GRHL2: variants seen among roughly 807,000 people sequenced by gnomAD.
GRHL2 encodes the protein grainyhead-like protein 2 homolog.
A neutral mutation model predicts 83.8 loss-of-function variants in GRHL2; 21 were observed. That is an observed-to-expected ratio of 0.25 (90% CI 0.18 to 0.36). GRHL2 has a LOEUF of 0.36. GRHL2 is among the 10% of genes least tolerant of loss of function. The pLI is 1.00. For missense variants in GRHL2, 623 were observed against 781.8 expected (o/e 0.80, Z 2.42); for synonymous variants, 280 against 278.9 (o/e 1.00, Z -0.04).
Position 101,649,394 on chromosome 8 carries a change from C to G in GRHL2, c.1613-20C>G, listed in dbSNP as rs369705741. On this transcript the variant is annotated intron_variant, in intron 13 of 15. Transcript: ENST00000646743. ...TGTGCAGCCCCTCGGTCACGTGGCT[C>G]TCTTGCCCATCTCTTCCAGTGCTCT... 3.0e-4 allele frequency: 482 copies of G among 1,605,662 alleles called. No individual in the cohort carries two copies. The highest frequency in any genetic ancestry group is 3.9e-4 in the Non-Finnish European group (462 of 1,172,600).
rs35693999 is a variant in GRHL2, at chr8:101,656,873, GACACACAC to G, written c.1698+7400_1698+7407del. ...GTTAGTGTATTTTATGTGTCTAACA[GACACACAC>G]ACACACACACACACACACACACACA... On this transcript the variant is annotated intron_variant, in intron 14 of 15. Coordinates refer to ENST00000646743, the MANE Select transcript of GRHL2 (RefSeq NM_024915.4). Among the ~76,000 whole-genome samples the G allele has an allele frequency of 9.1e-4, 134 of 147,334 alleles. 2 individuals are homozygous for G. Among genetic ancestry groups the G allele is most frequent in the East Asian group, 1.8e-3 (9 of 4,998 alleles).
At chr8:101,504,538 G>T (rs1810296169) in intron 1 of GRHL2, among the ~76,000 whole-genome samples, 1 of 152,138 alleles carries the variant, frequency 6.6e-6, no homozygotes, top group Non-Finnish European at 1.5e-5. Context: ...TCATGGGAGA[G>T]ACTTGGTGTT....
In GRHL2 at chr8:101,668,055, C is replaced by T. The variant is rs555463820; in HGVS notation, c.*1352C>T. ...AGAAAGAATGTGCCAAGATACCTGG[C>T]TCCTGTGAAACCAGCCTCAGGAGGG... On this transcript the variant is annotated 3_prime_UTR_variant, in exon 16 of 16. Transcript: ENST00000646743. 1.3e-5 allele frequency: 2 copies of T among 152,564 alleles called. No individual in the cohort carries two copies. Among genetic ancestry groups the T allele is most frequent in the South Asian group, 4.1e-4 (2 of 4,822 alleles). The allele number at this position is 152,564 out of a possible 1,614,324, so 9.5% of individuals were successfully genotyped here.
At position 101,634,253 on chromosome 8, in the gene GRHL2, G is replaced by A. The variant is rs181931561; in HGVS notation, c.1485+1888G>A. Among the ~76,000 whole-genome samples the A allele has an allele frequency of 3.1e-3, 479 of 152,164 alleles. 2 individuals carry two copies. Among genetic ancestry groups the A allele is most frequent in the African/African-American group, 0.011 (439 of 41,526 alleles). On this transcript the variant is annotated intron_variant, in intron 11 of 15. Transcript: ENST00000646743. Reference sequence around the variant, plus strand: ...GGGTCAATGAAGAAGCCTGCCCTGAGCTTCTGGCAAAAAAGGAACACACTC... The same window carrying A: ...GGGTCAATGAAGAAGCCTGCCCTGAACTTCTGGCAAAAAAGGAACACACTC...
chr8:101,518,237 C>T (rs752816009), intron 1 of GRHL2, among the ~76,000 whole-genome samples: 2 of 152,112 alleles, frequency 1.3e-5, no homozygotes, highest in Non-Finnish European at 2.9e-5. Flanking sequence ...GGCAAAAACC[C>T]GTTTCTACAA....
chr8:101,612,269 C>T (rs896730593), intron 8 of GRHL2, among the ~76,000 whole-genome samples: 4 of 151,184 alleles, frequency 2.6e-5, no homozygotes, highest in South Asian at 4.1e-4. Flanking sequence ...GGATTATAGG[C>T]GTGAGCCACC....
chr8:101,635,587 G>A (rs1444405044), intron 11 of GRHL2, among the ~76,000 whole-genome samples: 1 of 152,152 alleles, frequency 6.6e-6, no homozygotes, highest in East Asian at 1.9e-4. Context: ...ATGGCCAGTG[G>A]AATGCCCCAG....
chr8:101,572,196 T>C (rs1811841351), intron 5 of GRHL2, among the ~76,000 whole-genome samples: 1 of 152,228 alleles, frequency 6.6e-6, no homozygotes, highest in Non-Finnish European at 1.5e-5. Context: ...AGACGCAAGC[T>C]AGTGGTCTAG....
intron 9 of GRHL2, among the ~76,000 whole-genome samples, chr8:101,624,998 C>G (rs922318955): frequency 1.3e-5 from 2 of 151,898 alleles, no homozygotes; most frequent in South Asian, 2.1e-4. Flanking sequence ...AAAACCGAAC[C>G]AAAAAAATCA....
chr8:101,658,286 A>T (rs1159752278), intron 14 of GRHL2, among the ~76,000 whole-genome samples: 1 of 152,224 alleles, frequency 6.6e-6, no homozygotes, highest in East Asian at 1.9e-4. Context: ...CCATCTCAAC[A>T]TATGCCCATT....
intron 1 of GRHL2, among the ~76,000 whole-genome samples, chr8:101,525,091 G>T (rs1294018199): frequency 1.3e-5 from 2 of 151,976 alleles, no homozygotes; most frequent in South Asian, 2.1e-4. Flanking sequence ...TACAGGCACT[G>T]GCCACCAGGC....
intron 4 of GRHL2, among the ~76,000 whole-genome samples, chr8:101,560,106 A>G (rs978479487): frequency 6.6e-6 from 1 of 152,060 alleles, no homozygotes; most frequent in Non-Finnish European, 1.5e-5. Flanking sequence ...CCCCGGTTCA[A>G]GCGATTCTCC....
intron 14 of GRHL2, among the ~76,000 whole-genome samples, chr8:101,657,360 T>C (rs560961399): frequency 6.6e-6 from 1 of 152,242 alleles, no homozygotes; most frequent in South Asian, 2.1e-4. Flanking sequence ...AAGAGAACTT[T>C]CCACAAAATA....
chr8:101,528,509 T>C (rs1354730232), intron 1 of GRHL2, among the ~76,000 whole-genome samples: 2 of 152,004 alleles, frequency 1.3e-5, no homozygotes, highest in African/African-American at 2.4e-5. Flanking sequence ...ATAAGTCAAA[T>C]TGCTGCTGGA....
At chr8:101,586,654 C>A (rs558958723) in intron 7 of GRHL2, among the ~76,000 whole-genome samples, 26 of 152,196 alleles carry the variant, frequency 1.7e-4, no homozygotes, top group African/African-American at 4.6e-4. Flanking sequence ...ATTTTTTTAA[C>A]CTTGAATCTT....
At chr8:101,656,529 A>G (rs530808761) in intron 14 of GRHL2, among the ~76,000 whole-genome samples, 2 of 152,330 alleles carry the variant, frequency 1.3e-5, no homozygotes, top group East Asian at 3.9e-4. Flanking sequence ...CACAAGAAGG[A>G]TAAACATTCC....
At chr8:101,657,879 A>G (rs1813832355) in intron 14 of GRHL2, among the ~76,000 whole-genome samples, 3 of 152,084 alleles carry the variant, frequency 2.0e-5, no homozygotes, top group Admixed American at 1.3e-4. Flanking sequence ...ACAAAGAAAA[A>G]AACCCAAGCA....
At chr8:101,581,499 G>A (rs955510265) in intron 7 of GRHL2, among the ~76,000 whole-genome samples, 1 of 152,116 alleles carries the variant, frequency 6.6e-6, no homozygotes, top group African/African-American at 2.4e-5. Flanking sequence ...TCCTATGTCG[G>A]TTATACCTCT....
At chr8:101,513,442 C>T (rs1810503602) in intron 1 of GRHL2, among the ~76,000 whole-genome samples, 1 of 150,060 alleles carries the variant, frequency 6.7e-6, no homozygotes, top group Non-Finnish European at 1.5e-5. Flanking sequence ...ACACGGGTCT[C>T]CTCTTTCCTG....
Sources: allele counts gnomAD v4.1 joint callset (sites outside exome capture counted in the v4.1 genomes callset), GRCh38; gene constraint gnomAD v4.1.1; transcripts MANE v1.5; gene names NCBI Gene and HGNC (gene_info 2026-07-23, HGNC 2026-07-21).